TSHR: variants seen among roughly 807,000 people sequenced by gnomAD.
TSHR encodes the protein thyroid stimulating hormone receptor, also known as thyrotropin receptor.
In TSHR, 51 loss-of-function variants were observed where a neutral mutation model predicts 64.1. That is an observed-to-expected ratio of 0.80 (90% CI 0.64 to 1.01). TSHR has a LOEUF of 1.01. Among genes scored for constraint, TSHR ranks in the 50% least tolerant of loss-of-function variants. The pLI is 0.00. For synonymous variants in TSHR, 361 were observed against 361.9 expected (o/e 1.00, Z 0.03); for missense variants, 877 against 942.8 (o/e 0.93, Z 0.91).
chr14:81,126,297 T>C (rs1891018049), intron 8 of TSHR, among the ~76,000 whole-genome samples: 1 of 152,194 alleles, frequency 6.6e-6, no homozygotes, highest in Non-Finnish European at 1.5e-5. Flanking sequence ...CCTTTGTAGC[T>C]CTTCAACTGA....
chr14:81,076,912 C>T lies in TSHR; in HGVS notation c.317+8584C>T, dbSNP rs115798495. On this transcript the variant is annotated intron_variant, in intron 3 of 9. Coordinates refer to ENST00000298171, the MANE Select transcript of TSHR (RefSeq NM_000369.5). ...TTCAGCTGGTTCCTGCCCACCTCTGCGTTCTCATCATGCTTCACTCCTGCA... is the reference window on the plus strand; with the variant it reads ...TTCAGCTGGTTCCTGCCCACCTCTGTGTTCTCATCATGCTTCACTCCTGCA... Among the ~76,000 whole-genome samples the T allele has an allele frequency of 3.2e-3, 485 of 152,272 alleles. 4 individuals are homozygous for T. The highest frequency in any genetic ancestry group is 0.011 in the African/African-American group (462 of 41,552).
intron 1 of TSHR, among the ~76,000 whole-genome samples, chr14:80,996,581 T>C (rs1176363400): frequency 1.1e-5 from 1 of 90,650 alleles, no homozygotes; most frequent in Non-Finnish European, 2.4e-5. Flanking sequence ...TCCCGCACAT[T>C]GAGATCTGGT....
In TSHR at chr14:81,139,871, A is replaced by C; in HGVS notation, c.881+4A>C. On this transcript the variant is annotated splice_donor_region_variant and intron_variant, in intron 9 of 9. Coordinates refer to ENST00000298171, the MANE Select transcript of TSHR (RefSeq NM_000369.5). Reference sequence around the variant, plus strand: ...AGAATCAGAAGAAAATCAGAGGGTAAGTGGCAGGGACCCGGCATAAGTGAC... The same window carrying C: ...AGAATCAGAAGAAAATCAGAGGGTACGTGGCAGGGACCCGGCATAAGTGAC... The C allele has an allele frequency of 6.2e-7, 1 of 1,614,190 alleles. No homozygotes were observed. The highest frequency in any genetic ancestry group is 8.5e-7 in the Non-Finnish European group (1 of 1,180,028).
intron 8 of TSHR, among the ~76,000 whole-genome samples, chr14:81,118,714 C>T (rs145295094): frequency 0.038 from 5,759 of 152,066 alleles, 321 homozygotes; most frequent in East Asian, 0.23. Context: ...GAGCCCGCAT[C>T]GCCAAGTGAA....
At chr14:81,142,636 T>TCTCA (rs1891742875) in intron 9 of TSHR, among the ~76,000 whole-genome samples, 1 of 136,454 alleles carries the variant, frequency 7.3e-6, no homozygotes, top group Non-Finnish European at 1.6e-5. Context: ...TGAGACAGGG[T>TCTCA]CTCACTCTGT....
At chr14:81,122,049 T>C (rs1890822171) in intron 8 of TSHR, among the ~76,000 whole-genome samples, 1 of 50,448 alleles carries the variant, frequency 2.0e-5, no homozygotes, top group Non-Finnish European at 3.5e-5. Flanking sequence ...TTTTTTTTTT[T>C]TTTTTTTTTT....
chr14:81,130,677 C>A (rs1891201175), intron 8 of TSHR, among the ~76,000 whole-genome samples: 2 of 152,202 alleles, frequency 1.3e-5, no homozygotes, highest in African/African-American at 4.8e-5. Context: ...CCAGACAATT[C>A]TCCCAAATTC....
intron 1 of TSHR, among the ~76,000 whole-genome samples, chr14:81,027,908 A>G (rs984744969): frequency 3.3e-5 from 5 of 152,194 alleles, no homozygotes; most frequent in East Asian, 3.8e-4. Context: ...TTAAGTACCA[A>G]TCTTCTCATT....
At chr14:81,093,941 A>G (rs1167908125) in intron 6 of TSHR, among the ~76,000 whole-genome samples, 1 of 152,044 alleles carries the variant, frequency 6.6e-6, no homozygotes, top group African/African-American at 2.4e-5. Context: ...ACCCCTTGAC[A>G]CCATTTCTCT....
At chr14:81,116,920 T>A (rs1890542095) in intron 8 of TSHR, among the ~76,000 whole-genome samples, 1 of 140,280 alleles carries the variant, frequency 7.1e-6, no homozygotes, top group South Asian at 2.5e-4. Context: ...AACAACCTGC[T>A]CCTGAATGAC....
At chr14:81,071,959 A>G (rs1286243325) in intron 3 of TSHR, among the ~76,000 whole-genome samples, 2 of 152,214 alleles carry the variant, frequency 1.3e-5, no homozygotes, top group Non-Finnish European at 2.9e-5. Flanking sequence ...GAAATGTCAT[A>G]TGAGGTGATT....
At chr14:81,100,421 G>C (rs1168708998) in intron 7 of TSHR, among the ~76,000 whole-genome samples, 4 of 152,162 alleles carry the variant, frequency 2.6e-5, no homozygotes, top group African/African-American at 9.7e-5. Context: ...GACACCAAAT[G>C]TTTGGAGGCT....
At chr14:81,031,938 G>A (rs765687329) in intron 1 of TSHR, among the ~76,000 whole-genome samples, 3 of 152,172 alleles carry the variant, frequency 2.0e-5, no homozygotes, top group Non-Finnish European at 4.4e-5. Flanking sequence ...ACTGGAAGAG[G>A]CAATTCTTCC....
At chr14:81,100,513 C>T (rs1179354032) in intron 7 of TSHR, among the ~76,000 whole-genome samples, 1 of 152,232 alleles carries the variant, frequency 6.6e-6, no homozygotes, top group South Asian at 2.1e-4. Flanking sequence ...TGATACTCTA[C>T]CTGGAGATAG....
chr14:81,130,591 A>G (rs935788875), intron 8 of TSHR, among the ~76,000 whole-genome samples: 1 of 151,976 alleles, frequency 6.6e-6, no homozygotes. Flanking sequence ...CTATATCTTC[A>G]TTCACTTCCT....
At chr14:81,044,019 T>G (rs140176694) in intron 1 of TSHR, among the ~76,000 whole-genome samples, 15 of 152,238 alleles carry the variant, frequency 9.9e-5, no homozygotes, top group African/African-American at 2.9e-4. Flanking sequence ...TCAGGACATA[T>G]GCACAGGCAA....
intron 9 of TSHR, among the ~76,000 whole-genome samples, chr14:81,140,202 A>C (rs1048339458): frequency 6.6e-6 from 1 of 152,190 alleles, no homozygotes; most frequent in Non-Finnish European, 1.5e-5. Flanking sequence ...TAGATACTGC[A>C]ACACATATTA....
intron 9 of TSHR, among the ~76,000 whole-genome samples, chr14:81,142,734 C>A (rs565100193): frequency 6.6e-6 from 1 of 151,562 alleles, no homozygotes; most frequent in Non-Finnish European, 1.5e-5. Flanking sequence ...CTCAGCCTCC[C>A]GAGTAGCTAC....
intron 1 of TSHR, among the ~76,000 whole-genome samples, chr14:80,998,495 G>A (rs1458415702): frequency 6.6e-6 from 1 of 151,860 alleles, no homozygotes; most frequent in East Asian, 1.9e-4. Context: ...TAATCACACT[G>A]CAATATCTTG....
Sources: allele counts gnomAD v4.1 joint callset (sites outside exome capture counted in the v4.1 genomes callset), GRCh38; gene constraint gnomAD v4.1.1; transcripts MANE v1.5; gene names NCBI Gene and HGNC (gene_info 2026-07-23, HGNC 2026-07-21).